CACNA2D3: variants seen among roughly 807,000 people sequenced by gnomAD.
CACNA2D3 encodes voltage-dependent calcium channel subunit alpha-2/delta-3.
A neutral mutation model predicts 160.6 loss-of-function variants in CACNA2D3; 60 were observed. The observed-to-expected ratio is 0.37, with a 90% CI of 0.30 to 0.46. The LOEUF (loss-of-function observed/expected upper bound fraction) is 0.46, where lower values mean the gene tolerates loss of function less well. CACNA2D3 is among the 20% of genes least tolerant of loss of function. CACNA2D3 has a pLI of 1.00. For missense variants in CACNA2D3, 1,205 were observed against 1,365.0 expected, an observed-to-expected ratio of 0.88 and a Z score of 1.85; for synonymous variants, 558 against 492.9, an observed-to-expected ratio of 1.13 and a Z score of -1.75.
chr3:54,386,799 A>G, intron 4 of CACNA2D3, 25 bp downstream of exon 4: 8 of 1,567,904 alleles, frequency 5.1e-6, no homozygotes, highest in Non-Finnish European at 6.9e-6. Context: ...TTTGAGTTAA[A>G]TTGTTTTGTG....
At chr3:54,927,225 G>A (rs911560240) in intron 27 of CACNA2D3, among the ~76,000 whole-genome samples, 10 of 152,136 alleles carry the variant, frequency 6.6e-5, no homozygotes, top group Admixed American at 2.0e-4. Context: ...ATTCTCTACT[G>A]AGGCTAACAG....
intron 11 of CACNA2D3, among the ~76,000 whole-genome samples, chr3:54,642,777 G>T (rs1699551657): frequency 1.3e-5 from 2 of 152,124 alleles, no homozygotes; most frequent in South Asian, 4.2e-4. Flanking sequence ...AACCTTTTGA[G>T]GCCATTGTGA....
intron 11 of CACNA2D3, among the ~76,000 whole-genome samples, chr3:54,735,311 C>A (rs557136442): frequency 5.1e-4 from 77 of 152,254 alleles, no homozygotes; most frequent in Non-Finnish European, 8.8e-4. Context: ...GAAGCTCTGC[C>A]CCCATATCTC....
intron 2 of CACNA2D3, among the ~76,000 whole-genome samples, chr3:54,245,093 G>A (rs952143242): frequency 6.6e-6 from 1 of 152,152 alleles, no homozygotes; most frequent in Non-Finnish European, 1.5e-5. Flanking sequence ...AATTATTAAT[G>A]TCATTCCCTT....
intron 4 of CACNA2D3, among the ~76,000 whole-genome samples, chr3:54,465,849 C>T (rs764529864): frequency 9.2e-5 from 14 of 152,162 alleles, no homozygotes; most frequent in Admixed American, 2.6e-4. Context: ...TGCCCTGGAT[C>T]TCACAAGGCT....
At chr3:54,882,615 T>C (rs1299683407) in intron 21 of CACNA2D3, among the ~76,000 whole-genome samples, 1 of 152,194 alleles carries the variant, frequency 6.6e-6, no homozygotes, top group African/African-American at 2.4e-5. Context: ...GGTCATATCT[T>C]CCTCTCTCTG....
chr3:54,462,251 C>G (rs1023042716), intron 4 of CACNA2D3, among the ~76,000 whole-genome samples: 1 of 152,126 alleles, frequency 6.6e-6, no homozygotes, highest in Admixed American at 6.6e-5. Flanking sequence ...AATGTATATT[C>G]TGTTGATTTG....
chr3:54,823,732 C>T (rs2106731396), intron 14 of CACNA2D3, among the ~76,000 whole-genome samples: 1 of 152,172 alleles, frequency 6.6e-6, no homozygotes, highest in South Asian at 2.1e-4. Flanking sequence ...CATTATGCTC[C>T]TGTTGTGTGT....
intron 29 of CACNA2D3, 89 bp downstream of exon 29, chr3:54,969,933 A>ATGCGTCAACCT: frequency 1.8e-6 from 2 of 1,136,404 alleles, no homozygotes; most frequent in Non-Finnish European, 2.6e-6. Flanking sequence ...CTTATAAACA[A>ATGCGTCAACCT]GGCCAGGTTG....
intron 3 of CACNA2D3, among the ~76,000 whole-genome samples, chr3:54,338,511 G>GTA (rs1328868849): frequency 2.1e-5 from 3 of 143,116 alleles, no homozygotes; most frequent in Non-Finnish European, 4.6e-5. Context: ...GTGTGTGTGT[G>GTA]TATCTATTTG....
At chr3:54,960,127 G>A (rs1181332988) in intron 27 of CACNA2D3, among the ~76,000 whole-genome samples, 2 of 151,510 alleles carry the variant, frequency 1.3e-5, no homozygotes, top group Non-Finnish European at 2.9e-5. Context: ...GTGGCCAAAT[G>A]GATCAGGCCT....
chr3:54,402,187 A>G (rs953005141), intron 4 of CACNA2D3, among the ~76,000 whole-genome samples: 4 of 152,204 alleles, frequency 2.6e-5, no homozygotes, highest in Non-Finnish European at 4.4e-5. Context: ...TTACTAGATT[A>G]CAAAGATAAA....
chr3:54,849,368 T>C (rs1432400826), intron 17 of CACNA2D3, among the ~76,000 whole-genome samples: 1 of 152,214 alleles, frequency 6.6e-6, no homozygotes, highest in Non-Finnish European at 1.5e-5. Flanking sequence ...TGTTCACTTA[T>C]CCCTGCTTTC....
chr3:54,633,679 G>A (rs996193244), intron 10 of CACNA2D3: 1 of 152,258 alleles, frequency 6.6e-6, no homozygotes, highest in Non-Finnish European at 1.5e-5. Context: ...GTACAGGCTG[G>A]TTGGAGTTTT....
At chr3:54,321,123 C>T (rs1038214357) in intron 3 of CACNA2D3, among the ~76,000 whole-genome samples, 10 of 152,048 alleles carry the variant, frequency 6.6e-5, no homozygotes, top group African/African-American at 2.4e-4. Context: ...AGTTCGTGAC[C>T]AGCCTGGCCA....
Position 54,127,938 on chromosome 3 carries a change from T to G in CACNA2D3, c.204+4344T>G, listed in dbSNP as rs567006534. On this transcript the variant is annotated intron_variant, in intron 2 of 37. Transcript: ENST00000474759. ...TTTTTTCTTTTCCTTTAACTTGTTTTTTTTCTCCTTAAAATTTCTTTTCTG... is the reference window on the plus strand; with the variant it reads ...TTTTTTCTTTTCCTTTAACTTGTTTGTTTTCTCCTTAAAATTTCTTTTCTG... Among the ~76,000 whole-genome samples, 18 of 152,304 alleles carry G rather than the reference T, an allele frequency of 1.2e-4. No individual in the cohort carries two copies. The East Asian group carries it at 3.5e-3, about 29-fold the overall frequency.
At chr3:54,629,344 CT>C (rs1699184901) in intron 10 of CACNA2D3, among the ~76,000 whole-genome samples, 1 of 152,100 alleles carries the variant, frequency 6.6e-6, no homozygotes, top group Non-Finnish European at 1.5e-5. Context: ...CAAAACTTGA[CT>C]TTTTACTACT....
At chr3:54,601,138 G>A (rs1428260739) in intron 9 of CACNA2D3, among the ~76,000 whole-genome samples, 1 of 152,134 alleles carries the variant, frequency 6.6e-6, no homozygotes, top group African/African-American at 2.4e-5. Flanking sequence ...ATCCCATTCT[G>A]CTTATCAAGT....
At chr3:54,678,655 A>T (rs1700284648) in intron 11 of CACNA2D3, among the ~76,000 whole-genome samples, 1 of 130,012 alleles carries the variant, frequency 7.7e-6, no homozygotes, top group Non-Finnish European at 1.6e-5. Context: ...CGGGAGGTGG[A>T]GGTTGTAATG....
Sources: gnomAD v4.1 joint callset for allele counts (sites outside exome capture counted in the v4.1 genomes callset) on GRCh38, gnomAD v4.1.1 for gene constraint, MANE v1.5 for transcripts, NCBI Gene and HGNC (gene_info 2026-07-23, HGNC 2026-07-21) for gene names.